Variants in CYRIB observed in about 807,000 individuals in gnomAD.
The protein encoded by CYRIB is CYFIP related Rac1 interactor B.
A neutral mutation model predicts 44.2 loss-of-function variants in CYRIB; 8 were observed. The observed-to-expected ratio is 0.18, with a 90% CI of 0.11 to 0.33. The LOEUF (loss-of-function observed/expected upper bound fraction) is 0.33, where lower values mean the gene tolerates loss of function less well. Ranked by LOEUF, CYRIB falls within the 10% of genes least tolerant of loss-of-function variation. CYRIB has a pLI of 1.00. For missense variants in CYRIB, 185 were observed against 382.8 expected, an observed-to-expected ratio of 0.48 and a Z score of 4.31; for synonymous variants, 131 against 127.2, an observed-to-expected ratio of 1.03 and a Z score of -0.20.
intron 1 of CYRIB, among the ~76,000 whole-genome samples, chr8:130,014,322 T>C (rs1486606021): frequency 6.6e-6 from 1 of 152,126 alleles, no homozygotes; most frequent in Non-Finnish European, 1.5e-5. Flanking sequence ...CCCAGCTACT[T>C]GGGAGGCTGA....
intron 2 of CYRIB, among the ~76,000 whole-genome samples, chr8:129,960,874 C>T (rs2095214254): frequency 2.2e-5 from 3 of 136,238 alleles, no homozygotes; most frequent in Non-Finnish European, 3.1e-5. Context: ...TGCTTGAACC[C>T]GGGAGGCGGA....
intron 11 of CYRIB, among the ~76,000 whole-genome samples, chr8:129,845,269 A>T (rs993499901): frequency 6.6e-6 from 1 of 152,222 alleles, no homozygotes; most frequent in Non-Finnish European, 1.5e-5. Context: ...TCAAGTTTTT[A>T]AAAAAGATTT....
At chr8:129,848,700 C>G (rs1052072195) in intron 10 of CYRIB, among the ~76,000 whole-genome samples, 1 of 151,712 alleles carries the variant, frequency 6.6e-6, no homozygotes, top group Non-Finnish European at 1.5e-5. Flanking sequence ...CTCAACGTAG[C>G]TGTGACTACC....
At chr8:129,916,593 T>C (rs889082539) in intron 1 of CYRIB, among the ~76,000 whole-genome samples, 1 of 152,168 alleles carries the variant, frequency 6.6e-6, no homozygotes, top group Non-Finnish European at 1.5e-5. Flanking sequence ...TAAAAAGGCA[T>C]TCCTTTCTTC....
chr8:129,875,539 T>G (rs1006838255), intron 3 of CYRIB, among the ~76,000 whole-genome samples: 2 of 152,180 alleles, frequency 1.3e-5, no homozygotes, highest in African/African-American at 4.8e-5. Context: ...ATGCTGTCAA[T>G]AGCATAACTG....
At chr8:129,866,610 T>TA (rs1004160007) in intron 4 of CYRIB, among the ~76,000 whole-genome samples, 1 of 151,976 alleles carries the variant, frequency 6.6e-6, no homozygotes, top group Non-Finnish European at 1.5e-5. Flanking sequence ...AAAAAGCAAA[T>TA]AGACAAAAGT....
chr8:129,910,809 G>A (rs837081), intron 1 of CYRIB, among the ~76,000 whole-genome samples: 80,062 of 151,984 alleles, frequency 0.53, 21,566 homozygotes, highest in African/African-American at 0.64. Flanking sequence ...AAACAAACAA[G>A]AGAAACACGG....
At chr8:129,925,978 G>C (rs1195474893) in intron 1 of CYRIB, among the ~76,000 whole-genome samples, 1 of 152,162 alleles carries the variant, frequency 6.6e-6, no homozygotes, top group East Asian at 1.9e-4. Context: ...CCAACTTTCT[G>C]AATGAAACCT....
At chr8:129,992,214 G>A (rs139121599) in intron 1 of CYRIB, among the ~76,000 whole-genome samples, 4 of 151,646 alleles carry the variant, frequency 2.6e-5, no homozygotes, top group African/African-American at 4.8e-5. Flanking sequence ...CCAGCTATTC[G>A]GAGGGCTGAG....
Position 129,869,956 on chromosome 8 carries a change from G to T in CYRIB, c.195+1419C>A, listed in dbSNP as rs1487970644. ...TATAATGTGGGCAAAAGAGTAAGAG[G>T]AAGTAGGAGATTATGGGGGGGTGGG... On this transcript the variant is annotated intron_variant, in intron 4 of 11. Transcript: ENST00000519824. 6.0e-5 allele frequency among the ~76,000 whole-genome samples: 9 copies of T among 149,516 alleles called. No individual in the cohort carries two copies. In the East Asian group the frequency reaches 1.9e-3, roughly 31 times the overall value.
chr8:129,982,198 G>A (rs1319865143), intron 1 of CYRIB, among the ~76,000 whole-genome samples: 2 of 152,102 alleles, frequency 1.3e-5, no homozygotes, highest in African/African-American at 4.8e-5. Flanking sequence ...TTCTCTAACT[G>A]TCCTCCAACA....
chr8:129,956,359 T>TA (rs2094831597), intron 2 of CYRIB, among the ~76,000 whole-genome samples: 1 of 152,132 alleles, frequency 6.6e-6, no homozygotes, highest in Admixed American at 6.6e-5. Flanking sequence ...CTGGAGAGCT[T>TA]AAAAAAACTA....
chr8:129,960,806 C>G (rs554243639), intron 2 of CYRIB, among the ~76,000 whole-genome samples: 116 of 151,408 alleles, frequency 7.7e-4, no homozygotes, highest in African/African-American at 2.6e-3. Flanking sequence ...CAATAATTAG[C>G]TGGGCATGGT....
At chr8:129,854,984 AGAAAGCGG>A (rs2045418202) in intron 6 of CYRIB, among the ~76,000 whole-genome samples, 3 of 152,258 alleles carry the variant, frequency 2.0e-5, no homozygotes, top group Admixed American at 1.3e-4. Flanking sequence ...AAAGAAAGGA[AGAAAGCGG>A]GAAAGGAGGA....
At chr8:129,996,617 T>G (rs1224901046) in intron 1 of CYRIB, among the ~76,000 whole-genome samples, 1 of 152,154 alleles carries the variant, frequency 6.6e-6, no homozygotes, top group Non-Finnish European at 1.5e-5. Flanking sequence ...TTGAGGGACT[T>G]GCCCACAATA....
chr8:130,015,437 G>C (rs1043983669), intron 1 of CYRIB, among the ~76,000 whole-genome samples: 2 of 152,170 alleles, frequency 1.3e-5, no homozygotes. Flanking sequence ...CTAAGACTCA[G>C]AGAGGGTAAG....
intron 1 of CYRIB, among the ~76,000 whole-genome samples, chr8:129,976,649 CG>C (rs889710593): frequency 9.9e-5 from 15 of 152,100 alleles, no homozygotes; most frequent in African/African-American, 2.9e-4. Context: ...TAGTTATAAG[CG>C]GTTTTTCCTT....
intron 1 of CYRIB, among the ~76,000 whole-genome samples, chr8:130,007,455 C>G (rs1275735538): frequency 3.9e-5 from 6 of 152,216 alleles, no homozygotes; most frequent in South Asian, 2.1e-4. Flanking sequence ...ACCTGCCTCA[C>G]AGAGTTACCA....
At chr8:129,920,021 G>A (rs1462761793) in intron 1 of CYRIB, among the ~76,000 whole-genome samples, 2 of 151,034 alleles carry the variant, frequency 1.3e-5, no homozygotes. Context: ...TCTATTTATT[G>A]GATAGCTTAT....
Sources: allele counts gnomAD v4.1 joint callset (sites outside exome capture counted in the v4.1 genomes callset), GRCh38; gene constraint gnomAD v4.1.1; transcripts MANE v1.5; gene names NCBI Gene and HGNC (gene_info 2026-07-23, HGNC 2026-07-21).